Variants in CAMK2A observed in about 807,000 individuals in gnomAD.
CAMK2A encodes the protein calcium/calmodulin dependent protein kinase II alpha, also known as calcium/calmodulin-dependent protein kinase type II subunit alpha.
CAMK2A carries 7 observed loss-of-function variants against 79.2 expected under a neutral mutation model. The ratio of observed to expected loss-of-function variants is 0.09; its 90% CI spans 0.05 to 0.17. The LOEUF (loss-of-function observed/expected upper bound fraction) is 0.17. Ranked by LOEUF, CAMK2A falls within the 10% of genes least tolerant of loss-of-function variation. The pLI is 1.00. For missense variants in CAMK2A, 214 were observed against 646.4 expected (o/e 0.33, Z 7.25); for synonymous variants, 242 against 251.7 (o/e 0.96, Z 0.36).
chr5:150,241,880 G>A (rs1177262260), intron 13 of CAMK2A, among the ~76,000 whole-genome samples: 1 of 151,992 alleles, frequency 6.6e-6, no homozygotes, highest in East Asian at 1.9e-4. Context: ...CTGGAGCCAG[G>A]CCAGGCACAG....
Position 150,222,851 on chromosome 5 carries a change from G to A in CAMK2A, c.1466+138C>T, listed in dbSNP as rs528606701. Reference sequence around the variant, plus strand: ...CTCTTCCCCCAGACCTGCAGGCCTGGCCCCCTTCTTGGGGTCTCCCCACCC... The same window carrying A: ...CTCTTCCCCCAGACCTGCAGGCCTGACCCCCTTCTTGGGGTCTCCCCACCC... On this transcript the variant is annotated intron_variant, in intron 18 of 18. Transcript: ENST00000671881. The A allele has an allele frequency of 3.0e-4, 417 of 1,383,700 alleles. No homozygotes were observed. In the African/African-American group the frequency reaches 5.1e-3, roughly 17 times the overall value. The allele number at this position is 1,383,700 out of a possible 1,614,324, so 85.7% of individuals were successfully genotyped here.
At chr5:150,272,940 C>G (rs1350933153) in intron 2 of CAMK2A, 125 bp downstream of exon 2, 5 of 718,338 alleles carry the variant, frequency 7.0e-6, no homozygotes, top group Non-Finnish European at 1.2e-5. Flanking sequence ...GGAAGAGCAG[C>G]CCCCACCCCT....
intron 18 of CAMK2A, 108 bp downstream of exon 18, chr5:150,222,881 C>A: frequency 7.1e-7 from 1 of 1,401,494 alleles, no homozygotes; most frequent in Non-Finnish European, 1.0e-6. Flanking sequence ...CCACCCCACT[C>A]TGCAGCCTTT....
At chr5:150,238,552 T>C (rs1332318080) in intron 15 of CAMK2A, 148 bp downstream of exon 15, 1 of 780,712 alleles carries the variant, frequency 1.3e-6, no homozygotes, top group South Asian at 1.5e-5. Context: ...TGCCTCCCAG[T>C]GTGCCCAGTT....
chr5:150,257,285 A>T (rs974221011), intron 4 of CAMK2A, among the ~76,000 whole-genome samples: 1 of 152,234 alleles, frequency 6.6e-6, no homozygotes, highest in African/African-American at 2.4e-5. Context: ...AAAAAATTAA[A>T]CATATTCCAG....
In CAMK2A at chr5:150,279,760, G is replaced by A. The variant is rs577718315; in HGVS notation, c.63-6601C>T. On this transcript the variant is annotated intron_variant, in intron 1 of 18. Coordinates refer to ENST00000671881, the MANE Select transcript of CAMK2A (RefSeq NM_015981.4). ...CAGGGAGGCCCCCCTCCGGCACTTCGGCAGACAGACGGAGAGGGCACAGTG... is the reference window on the plus strand; with the variant it reads ...CAGGGAGGCCCCCCTCCGGCACTTCAGCAGACAGACGGAGAGGGCACAGTG... Among the ~76,000 whole-genome samples, 26 of 152,344 alleles carry A rather than the reference G, an allele frequency of 1.7e-4. No individual in the cohort carries two copies. The South Asian group carries it at 5.2e-3, about 30-fold the overall frequency.
intron 3 of CAMK2A, among the ~76,000 whole-genome samples, chr5:150,263,541 T>TCA (rs1237862504): frequency 6.7e-6 from 1 of 150,068 alleles, no homozygotes; most frequent in African/African-American, 2.5e-5. Flanking sequence ...AGACACACAT[T>TCA]CACACACACT....
chr5:150,286,568 G>A (rs763514362), intron 1 of CAMK2A, among the ~76,000 whole-genome samples: 6 of 152,230 alleles, frequency 3.9e-5, no homozygotes, highest in Non-Finnish European at 5.9e-5. Context: ...CCCTTTTAGG[G>A]CCAACCTGGC....
At chr5:150,230,383 A>T (rs907099171) in intron 16 of CAMK2A, among the ~76,000 whole-genome samples, 2 of 149,426 alleles carry the variant, frequency 1.3e-5, no homozygotes, top group Non-Finnish European at 3.0e-5. Context: ...AGCCTTTGAG[A>T]GGCAAACTTC....
chr5:150,225,129 A>C (rs923297300), intron 17 of CAMK2A, among the ~76,000 whole-genome samples: 2 of 151,676 alleles, frequency 1.3e-5, no homozygotes, highest in African/African-American at 4.8e-5. Context: ...AAAAAAAGTC[A>C]GTTTCCAAGT....
chr5:150,222,309 C>T lies in CAMK2A; in HGVS notation c.*401G>A, dbSNP rs370722785. On this transcript the variant is annotated 3_prime_UTR_variant, in exon 19 of 19. Transcript: ENST00000671881. ...GAAGAGGAGAGGTCTGGGAGAGGGA[C>T]GGACGGATGCTGCCTTCCTCATCAT... The T allele has an allele frequency of 2.0e-5, 12 of 601,380 alleles. No homozygotes were observed. The highest frequency in any genetic ancestry group is 8.3e-5 in the East Asian group (3 of 36,130). 37.3% of individuals were successfully genotyped at this position (601,380 alleles called of 1,614,324 possible). A position where few individuals can be genotyped will look rare whatever the true frequency, so the allele number is the denominator to read the frequency against.
At chr5:150,259,438 T>C (rs143743313) in intron 3 of CAMK2A, among the ~76,000 whole-genome samples, 124 of 151,228 alleles carry the variant, frequency 8.2e-4, no homozygotes, top group South Asian at 3.4e-3. Flanking sequence ...GGGAGGGTTG[T>C]TTGAGCCCAG....
chr5:150,222,279 C>A lies in CAMK2A; in HGVS notation c.*431G>T, dbSNP rs980985825. 29 of 575,898 alleles carry A rather than the reference C, an allele frequency of 5.0e-5. No individual in the cohort carries two copies. The highest frequency in any genetic ancestry group is 1.8e-4 in the Admixed American group (6 of 33,256). 35.7% of individuals were successfully genotyped at this position (575,898 alleles called of 1,614,324 possible). On this transcript the variant is annotated 3_prime_UTR_variant, in exon 19 of 19. Coordinates refer to ENST00000671881, the MANE Select transcript of CAMK2A (RefSeq NM_015981.4). ...AGTGTCATCTGCCCTTCCCCGGGGA[C>A]ACTGGAAGAGGAGAGGTCTGGGAGA...
At position 150,222,971 on chromosome 5, in the gene CAMK2A, G is replaced by C. The variant is rs747587918; in HGVS notation, c.1466+18C>G. 2 of 1,605,244 alleles carry C rather than the reference G, an allele frequency of 1.2e-6. No individual in the cohort carries two copies. Among genetic ancestry groups the C allele is most frequent in the Non-Finnish European group, 8.5e-7 (1 of 1,172,052 alleles). On this transcript the variant is annotated intron_variant, in intron 18 of 18. Coordinates refer to ENST00000671881, the MANE Select transcript of CAMK2A (RefSeq NM_015981.4). ...ATCCTTTACATTACCCTGGGAGGCA[G>C]GAAGGAGGGATTCTTACTGGGGCAG...
At chr5:150,239,074 G>A (rs946452616) in intron 14 of CAMK2A, among the ~76,000 whole-genome samples, 4 of 152,166 alleles carry the variant, frequency 2.6e-5, no homozygotes, top group East Asian at 1.9e-4. Flanking sequence ...CATGGCGGCC[G>A]CAGAGTGGGG....
intron 1 of CAMK2A, among the ~76,000 whole-genome samples, chr5:150,283,895 C>G (rs1255352193): frequency 6.6e-6 from 1 of 152,172 alleles, no homozygotes; most frequent in Non-Finnish European, 1.5e-5. Flanking sequence ...CCCTAAGACA[C>G]CAAGGCCCTC....
chr5:150,228,251 G>T lies in CAMK2A; in HGVS notation c.1178C>A (p.Pro393His). ...MCDPGMTAFE[P>H]EALGNLVEGL... ...CTCAACCAGGTTCCCCAGGGCCTCAGGTTCGAAGGCTGTCATGCCAGGGTC... is the reference window on the plus strand; with the variant it reads ...CTCAACCAGGTTCCCCAGGGCCTCATGTTCGAAGGCTGTCATGCCAGGGTC... Residue 393 changes from proline (P) to histidine (H), a missense_variant, in exon 17 of 19, where the codon CCT (proline) becomes CAT (histidine). Pro to His is a moderately conservative substitution (Grantham distance 77). Transcript: ENST00000671881. 6.2e-7 allele frequency: 1 copy of T among 1,614,062 alleles called. No individual in the cohort carries two copies.
intron 11 of CAMK2A, among the ~76,000 whole-genome samples, chr5:150,248,500 A>C (rs1454275019): frequency 3.8e-5 from 3 of 78,690 alleles, no homozygotes; most frequent in African/African-American, 5.1e-5. Context: ...CCCACCCCAC[A>C]ACAGGCCCCG....
chr5:150,262,376 A>C (rs573988208), intron 3 of CAMK2A, among the ~76,000 whole-genome samples: 1 of 152,220 alleles, frequency 6.6e-6, no homozygotes, highest in South Asian at 2.1e-4. Context: ...GGAAGATTAC[A>C]ATTTTGAAGG....
Sources: allele counts gnomAD v4.1 joint callset (sites outside exome capture counted in the v4.1 genomes callset), GRCh38; gene constraint gnomAD v4.1.1; transcripts MANE v1.5; gene names NCBI Gene and HGNC (gene_info 2026-07-23, HGNC 2026-07-21).